Variants in ATP13A5 observed in about 807,000 individuals in gnomAD.
The protein encoded by ATP13A5 is ATPase 13A5, also known as probable cation-transporting ATPase 13A5.
Under a neutral mutation model 150.2 loss-of-function variants are expected in ATP13A5, and 149 were observed. The observed-to-expected ratio is 0.99, with a 90% CI of 0.87 to 1.14. ATP13A5 has a LOEUF of 1.14. ATP13A5 is among the 50% of genes most tolerant of loss of function. ATP13A5 has a pLI of 0.00. For synonymous variants in ATP13A5, 497 were observed against 522.2 expected, an observed-to-expected ratio of 0.95 and a Z score of 0.66; for missense variants, 1,383 against 1,449.3, an observed-to-expected ratio of 0.95 and a Z score of 0.74.
chr3:193,281,691 G>A (rs1055760157), intron 27 of ATP13A5, among the ~76,000 whole-genome samples: 3 of 152,002 alleles, frequency 2.0e-5, no homozygotes, highest in African/African-American at 7.3e-5. Context: ...AGTTCTAGAG[G>A]CTTTTGACTT....
intron 5 of ATP13A5, among the ~76,000 whole-genome samples, chr3:193,354,599 C>A (rs146201795): frequency 6.6e-6 from 1 of 151,404 alleles, no homozygotes; most frequent in African/African-American, 2.4e-5. Flanking sequence ...TACTTTGGTA[C>A]CTCCAGCACC....
intron 1 of ATP13A5, among the ~76,000 whole-genome samples, chr3:193,371,044 A>G (rs1202645431): frequency 6.6e-6 from 1 of 152,188 alleles, no homozygotes; most frequent in Non-Finnish European, 1.5e-5. Flanking sequence ...AAGTGCAACT[A>G]AGGACCTTTG....
intron 26 of ATP13A5, among the ~76,000 whole-genome samples, chr3:193,286,170 C>T (rs763306430): frequency 7.9e-5 from 12 of 152,206 alleles, no homozygotes; most frequent in African/African-American, 2.9e-4. Context: ...TTTCCACCAG[C>T]TTTCTTGTTC....
At chr3:193,360,573 C>T (rs1209536541) in intron 5 of ATP13A5, among the ~76,000 whole-genome samples, 1 of 152,194 alleles carries the variant, frequency 6.6e-6, no homozygotes, top group African/African-American at 2.4e-5. Flanking sequence ...CCCCAAATAA[C>T]ATAAATATGA....
chr3:193,359,845 G>C (rs898307350), intron 5 of ATP13A5, among the ~76,000 whole-genome samples: 1 of 151,958 alleles, frequency 6.6e-6, no homozygotes, highest in African/African-American at 2.4e-5. Context: ...GTGCAGGGGG[G>C]CTGGGAGAGG....
chr3:193,275,312 C>A lies in ATP13A5; in HGVS notation c.3397-10G>T. ...TTTGAAGGATGGAATCCTGAAAAATCAGATGGGAAAACAATCAATTTATTG... is the reference window on the plus strand; with the variant it reads ...TTTGAAGGATGGAATCCTGAAAAATAAGATGGGAAAACAATCAATTTATTG... On this transcript the variant is annotated splice_polypyrimidine_tract_variant and intron_variant, in intron 29 of 29. Transcript: ENST00000342358. The A allele has an allele frequency of 6.2e-7, 1 of 1,611,108 alleles. No individual in the cohort carries two copies. Among genetic ancestry groups the A allele is most frequent in the South Asian group, 1.1e-5 (1 of 90,948 alleles).
chr3:193,301,413 A>C, intron 23 of ATP13A5, 106 bp from the exon 24 acceptor site: 2 of 750,136 alleles, frequency 2.7e-6, no homozygotes, highest in Admixed American at 2.5e-5. Context: ...GTTGACATAC[A>C]TTCACTTAAT....
At chr3:193,359,889 C>T (rs4687411) in intron 5 of ATP13A5, among the ~76,000 whole-genome samples, 59,241 of 151,854 alleles carry the variant, frequency 0.39, 12,053 homozygotes, top group East Asian at 0.57. Context: ...AAGTCATTTA[C>T]TCCTTTTATT....
At chr3:193,341,176 CCA>C (rs1712111310) in intron 9 of ATP13A5, among the ~76,000 whole-genome samples, 2 of 135,860 alleles carry the variant, frequency 1.5e-5, no homozygotes, top group South Asian at 2.4e-4. Context: ...CCCCCCCCTC[CCA>C]AATGATATTC....
rs1391422961 is a variant in ATP13A5, at chr3:193,333,749, C to T, written c.1272+1G>A. The T allele has an allele frequency of 1.2e-6, 2 of 1,612,980 alleles. No individual in the cohort carries two copies. Among genetic ancestry groups the T allele is most frequent in the Admixed American group, 3.3e-5 (2 of 59,884 alleles). On this transcript the variant is annotated splice_donor_variant, in intron 11 of 29. Transcript: ENST00000342358. LOFTEE classifies it high-confidence loss of function. ...TGAAAAGCCTTACCCCCAGTACTTACTCCATGGTACATATATACCCCTAGG... is the reference window on the plus strand; with the variant it reads ...TGAAAAGCCTTACCCCCAGTACTTATTCCATGGTACATATATACCCCTAGG...
chr3:193,331,438 C>A, intron 11 of ATP13A5, 127 bp from the exon 12 acceptor site: 1 of 788,596 alleles, frequency 1.3e-6, no homozygotes, highest in African/African-American at 1.7e-5. Flanking sequence ...TCCCTACTCC[C>A]AGTCCACCAA....
At chr3:193,307,901 T>G (rs765769645) in intron 21 of ATP13A5, among the ~76,000 whole-genome samples, 1 of 152,218 alleles carries the variant, frequency 6.6e-6, no homozygotes, top group Non-Finnish European at 1.5e-5. Context: ...TATATCAGTT[T>G]GGTGTGCAAG....
chr3:193,328,796 A>G (rs12639145), intron 12 of ATP13A5, among the ~76,000 whole-genome samples: 42,158 of 152,146 alleles, frequency 0.28, 7,456 homozygotes, highest in African/African-American at 0.5. Flanking sequence ...TCAGAAACCC[A>G]GTGACAGATA....
At chr3:193,329,507 T>C (rs937684496) in intron 12 of ATP13A5, among the ~76,000 whole-genome samples, 2 of 152,098 alleles carry the variant, frequency 1.3e-5, no homozygotes, top group African/African-American at 4.8e-5. Context: ...GTAATGAACA[T>C]ATTTCATAAG....
intron 5 of ATP13A5, among the ~76,000 whole-genome samples, chr3:193,360,891 G>A (rs946052498): frequency 6.6e-6 from 1 of 152,180 alleles, no homozygotes; most frequent in Admixed American, 6.5e-5. Context: ...TGGCCAGGCT[G>A]GTCTTGAACT....
intron 19 of ATP13A5, chr3:193,313,399 C>T (rs894008099): frequency 6.6e-6 from 1 of 152,212 alleles, no homozygotes; most frequent in Non-Finnish European, 1.5e-5. Context: ...TTTGAATTCA[C>T]ACAAAAGCAT....
At chr3:193,283,845 CT>C (rs1717603641) in intron 27 of ATP13A5, among the ~76,000 whole-genome samples, 1 of 150,506 alleles carries the variant, frequency 6.6e-6, no homozygotes, top group Non-Finnish European at 1.5e-5. Context: ...GGGTGACCAT[CT>C]TTATCATGCA....
In ATP13A5 at chr3:193,279,452, T is replaced by C. The variant is rs754546222; in HGVS notation, c.3229A>G (p.Ile1077Val). The C allele has an allele frequency of 5.0e-6, 8 of 1,611,644 alleles. No individual in the cohort carries two copies. The East Asian group carries it at 8.9e-5, about 18-fold the overall frequency. Residue 1077 changes from isoleucine (I) to valine (V), a missense_variant and splice_region_variant, in exon 28 of 30, where the codon ATA (isoleucine) becomes GTA (valine). Around this residue, in one of 3 missense-constraint regions of ATP13A5, gnomAD observed 568 missense variants for 621.5 expected, o/e 0.91. Transcript: ENST00000342358. The stretch of plus-strand genomic sequence containing the variant: ...GCAGCTAGCAGCAGAAATGAAAATA[T>C]ATCTGAGGAAATACCAAACATTATT... ...PFRKPIYTNY[I>V]FSFLLLAALG...
In ATP13A5 at chr3:193,343,702, T is replaced by C. The variant is rs368312959; in HGVS notation, c.943+225A>G. The stretch of plus-strand genomic sequence containing the variant: ...TAATTGGTCAATTAATCACATGTCA[T>C]ATTAAACATTTGTTTTCATTTCACA... On this transcript the variant is annotated intron_variant, in intron 9 of 29. Transcript: ENST00000342358. Among the ~76,000 whole-genome samples, 193 of 152,354 alleles carry C rather than the reference T, an allele frequency of 1.3e-3. 1 individual carries two copies. The highest frequency in any genetic ancestry group is 4.5e-3 in the African/African-American group (187 of 41,598).
Sources: gnomAD v4.1 joint callset for allele counts (sites outside exome capture counted in the v4.1 genomes callset) on GRCh38, gnomAD v4.1.1 for gene constraint, gnomAD v4.1.1 regional missense constraint, MANE v1.5 for transcripts, NCBI Gene and HGNC (gene_info 2026-07-23, HGNC 2026-07-21) for gene names.